C5orf24: variants seen among roughly 807,000 people sequenced by gnomAD.
C5orf24 encodes chromosome 5 open reading frame 24, also known as UPF0461 protein C5orf24.
C5orf24 carries 4 observed loss-of-function variants against 9.8 expected under a neutral mutation model. The ratio of observed to expected loss-of-function variants is 0.41; its 90% CI spans 0.20 to 0.93. The LOEUF (loss-of-function observed/expected upper bound fraction) is 0.93. C5orf24 is among the 40% of genes least tolerant of loss of function. C5orf24 has a pLI of 0.33. For synonymous variants in C5orf24, 73 were observed against 81.3 expected (o/e 0.90, Z 0.55); for missense variants, 170 against 236.9 (o/e 0.72, Z 1.85).
intron 1 of C5orf24, among the ~76,000 whole-genome samples, chr5:134,849,223 C>T (rs1756085783): frequency 6.6e-6 from 1 of 152,064 alleles, no homozygotes; most frequent in Non-Finnish European, 1.5e-5. Flanking sequence ...TCACTGCACT[C>T]CAGCCTGGGC....
At chr5:134,849,066 C>T (rs1756079522) in intron 1 of C5orf24, among the ~76,000 whole-genome samples, 1 of 151,286 alleles carries the variant, frequency 6.6e-6, no homozygotes. Flanking sequence ...ACCAGCCTGG[C>T]CAACATAATG....
chr5:134,853,215 G>T (rs1397073525), intron 1 of C5orf24, among the ~76,000 whole-genome samples: 2 of 151,788 alleles, frequency 1.3e-5, no homozygotes, highest in African/African-American at 4.8e-5. Flanking sequence ...TAAAAAATTA[G>T]CCAGGCGTGG....
the C5orf24 span, among the ~76,000 whole-genome samples, chr5:134,840,120 G>A: frequency 2.6e-5 from 4 of 151,940 alleles, no homozygotes; most frequent in African/African-American, 4.8e-5. Context: ...CATCCTGGCC[G>A]AAATGGTGAA....
At chr5:134,850,645 T>G (rs137959116) in intron 1 of C5orf24, among the ~76,000 whole-genome samples, 2,112 of 151,636 alleles carry the variant, frequency 0.014, 52 homozygotes, top group African/African-American at 0.049. Flanking sequence ...GCTAATTTTT[T>G]TTTGTATTTT....
chr5:134,835,247 A>AT, the C5orf24 span, among the ~76,000 whole-genome samples: 684 of 152,268 alleles, frequency 4.5e-3, 5 homozygotes, highest in Middle Eastern at 0.024. Context: ...TATGATACAC[A>AT]TTTAAGTTTG....
rs1358841602 is a variant in C5orf24 at position 134,846,060 on chromosome 5, TCGC to T, written c.-148_-146del. 1 of 152,270 alleles carries T rather than the reference TCGC, an allele frequency of 6.6e-6. No homozygotes were observed. Among genetic ancestry groups the T allele is most frequent in the African/African-American group, 2.4e-5 (1 of 41,434 alleles). The allele number at this position is 152,270 out of a possible 1,614,324, so 9.4% of individuals were successfully genotyped here. On this transcript the variant is annotated 5_prime_UTR_variant, in exon 1 of 2. Coordinates refer to ENST00000394976, the MANE Select transcript of C5orf24 (RefSeq NM_001135586.1). Reference sequence around the variant, plus strand: ...CGGGTGCTGGGAGCCAGCGCCTGCCTCGCCGCCGCCCTCGCTGCCTGCCACTCC... The same window carrying T: ...CGGGTGCTGGGAGCCAGCGCCTGCCTCGCCGCCCTCGCTGCCTGCCACTCC...
intron 1 of C5orf24, among the ~76,000 whole-genome samples, chr5:134,853,879 G>A (rs1331184973): frequency 1.3e-5 from 2 of 152,104 alleles, no homozygotes; most frequent in African/African-American, 4.8e-5. Flanking sequence ...TCAGGAGTTC[G>A]AGACCAGCCT....
chr5:134,845,328 A>G (rs1755963622), upstream of C5orf24, among the ~76,000 whole-genome samples: 1 of 152,216 alleles, frequency 6.6e-6, no homozygotes, highest in African/African-American at 2.4e-5. Flanking sequence ...CCCACTGCTT[A>G]ATAAAGTGTC....
intron 1 of C5orf24, among the ~76,000 whole-genome samples, chr5:134,847,763 C>G (rs1756036227): frequency 6.7e-6 from 1 of 150,090 alleles, no homozygotes; most frequent in East Asian, 2.0e-4. Context: ...TACAGTGGCA[C>G]GAACTCGGCT....
chr5:134,835,705 C>A, the C5orf24 span, among the ~76,000 whole-genome samples: 8 of 151,982 alleles, frequency 5.3e-5, no homozygotes, highest in Non-Finnish European at 1.0e-4. Context: ...CTTTATTTTA[C>A]TTTCAGAGAC....
chr5:134,840,262 G>C, the C5orf24 span, among the ~76,000 whole-genome samples: 1 of 134,992 alleles, frequency 7.4e-6, no homozygotes, highest in African/African-American at 2.9e-5. Context: ...AGTCAAGATT[G>C]CACCACCCCA....
At chr5:134,851,542 C>T (rs2150174491) in intron 1 of C5orf24, among the ~76,000 whole-genome samples, 1 of 150,540 alleles carries the variant, frequency 6.6e-6, no homozygotes, top group East Asian at 2.0e-4. Context: ...TGGGTAGAGG[C>T]CAGGGATGCT....
chr5:134,856,207 A>T lies in C5orf24; in HGVS notation c.*740A>T. ...AGAAAATTTAAACTATTTTATAAAA[A>T]CTGCACATTACATTTTTGGTGAAAT... On this transcript the variant is annotated 3_prime_UTR_variant, in exon 2 of 2. Coordinates refer to ENST00000394976, the MANE Select transcript of C5orf24 (RefSeq NM_001135586.1). 1 of 993,758 alleles carries T rather than the reference A, an allele frequency of 1.0e-6. No individual in the cohort carries two copies. Among genetic ancestry groups the T allele is most frequent in the Non-Finnish European group, 1.2e-6 (1 of 824,004 alleles). The allele number at this position is 993,758 out of a possible 1,614,324, so 61.6% of individuals were successfully genotyped here.
At chr5:134,836,130 A>G in the C5orf24 span, among the ~76,000 whole-genome samples, 1 of 101,456 alleles carries the variant, frequency 9.9e-6, no homozygotes, top group Non-Finnish European at 2.1e-5. Flanking sequence ...TCATTTATTT[A>G]TTTTTTACAT....
intron 1 of C5orf24, among the ~76,000 whole-genome samples, chr5:134,853,528 CTTTTTTT>C (rs773207000): frequency 0.01 from 1,069 of 104,250 alleles, 13 homozygotes; most frequent in African/African-American, 0.034. Context: ...TCTTCTTCTT[CTTTTTTT>C]TTTTTTTTTT....
At chr5:134,840,230 C>T in the C5orf24 span, among the ~76,000 whole-genome samples, 1 of 148,258 alleles carries the variant, frequency 6.7e-6, no homozygotes, top group Non-Finnish European at 1.5e-5. Flanking sequence ...TCGCTTGAAC[C>T]CGGGAGGCGG....
chr5:134,846,943 C>T (rs1399244631), intron 1 of C5orf24: 1 of 152,136 alleles, frequency 6.6e-6, no homozygotes, highest in Admixed American at 6.6e-5. Context: ...TGAAATAAAT[C>T]TCTGAGAATT....
At position 134,855,184 on chromosome 5, in the gene C5orf24, G is replaced by A; in HGVS notation, c.284G>A (p.Gly95Glu). ...NRSGKRGRPS[G>E]TTKSAGYRTS... is the part of the protein sequence containing the mutation. ...TCTGGTAAGCGTGGCCGGCCTTCGG[G>A]AACCACCAAATCAGCAGGATACCGG... The change falls in exon 2 of 2, where the codon GGA (glycine) becomes GAA (glutamate). Residue 95 changes from glycine to glutamate, a missense_variant. Physicochemically the swap from Gly to Glu is moderately conservative, Grantham distance 98 (BLOSUM62 -2). This residue lies in a region of C5orf24 where 21 missense variants were observed against 72.2 expected (regional missense o/e 0.29). Coordinates refer to ENST00000394976, the MANE Select transcript of C5orf24 (RefSeq NM_001135586.1). The A allele has an allele frequency of 6.2e-7, 1 of 1,614,104 alleles. No homozygotes were observed. Among genetic ancestry groups the A allele is most frequent in the Non-Finnish European group, 8.5e-7 (1 of 1,180,038 alleles).
rs1756292869 is a variant in C5orf24, at chr5:134,855,711, T to C, written c.*244T>C. 6 of 1,382,046 alleles carry C rather than the reference T, an allele frequency of 4.3e-6. No homozygotes were observed. In the South Asian group the frequency reaches 8.3e-5, roughly 19 times the overall value. 85.6% of individuals were successfully genotyped at this position (1,382,046 alleles called of 1,614,324 possible). ...ACACCTAACTAAATCATTTTTCCTTTTCCTTTAGAGTTATGGTCATGTCTC... is the reference window on the plus strand; with the variant it reads ...ACACCTAACTAAATCATTTTTCCTTCTCCTTTAGAGTTATGGTCATGTCTC... On this transcript the variant is annotated 3_prime_UTR_variant, in exon 2 of 2. Coordinates refer to ENST00000394976, the MANE Select transcript of C5orf24 (RefSeq NM_001135586.1).
Sources: allele counts gnomAD v4.1 joint callset (sites outside exome capture counted in the v4.1 genomes callset), GRCh38; gene constraint gnomAD v4.1.1; regional missense constraint gnomAD v4.1.1; transcripts MANE v1.5; gene names NCBI Gene and HGNC (gene_info 2026-07-23, HGNC 2026-07-21).